Variants in MEGF11 observed in about 807,000 individuals in gnomAD.
The protein encoded by MEGF11 is multiple epidermal growth factor-like domains protein 11.
Under a neutral mutation model 146.6 loss-of-function variants are expected in MEGF11, and 126 were observed. The ratio of observed to expected loss-of-function variants is 0.86; its 90% CI spans 0.74 to 1.00. The LOEUF (loss-of-function observed/expected upper bound fraction) is 1.00. Among genes scored for constraint, MEGF11 ranks in the 50% least tolerant of loss-of-function variants. The pLI is 0.00. For synonymous variants in MEGF11, 532 were observed against 583.4 expected, an observed-to-expected ratio of 0.91 and a Z score of 1.27; for missense variants, 1,509 against 1,521.2, an observed-to-expected ratio of 0.99 and a Z score of 0.13.
rs529811663 is a variant in MEGF11 at position 65,924,766 on chromosome 15, C to T, written c.1676-1797G>A. Among the ~76,000 whole-genome samples the T allele has an allele frequency of 5.9e-5, 9 of 151,788 alleles. No homozygotes were observed. In the South Asian group the frequency reaches 1.7e-3, roughly 28 times the overall value. On this transcript the variant is annotated intron_variant, in intron 13 of 25. Transcript: ENST00000395614. ...TCAGCCTTCCGAGTAGCTGGGATTA[C>T]AGGTATAAGCCACCACCACAGCTGG...
At chr15:65,947,043 T>C (rs535231319) in intron 10 of MEGF11, among the ~76,000 whole-genome samples, 1 of 152,292 alleles carries the variant, frequency 6.6e-6, no homozygotes, top group South Asian at 2.1e-4. Context: ...TTAAATAGAT[T>C]TTTTGTTATG....
At chr15:65,924,624 CTTTTTTT>C (rs573572484) in intron 13 of MEGF11, among the ~76,000 whole-genome samples, 1 of 111,616 alleles carries the variant, frequency 9.0e-6, no homozygotes, top group Non-Finnish European at 1.8e-5. Flanking sequence ...TGCCATAAGG[CTTTTTTT>C]TTTTTTTTTT....
intron 13 of MEGF11, among the ~76,000 whole-genome samples, chr15:65,928,041 T>C (rs2079436084): frequency 6.6e-6 from 1 of 152,010 alleles, no homozygotes; most frequent in Non-Finnish European, 1.5e-5. Context: ...TGGAGAGAAG[T>C]AGATGGATTC....
At chr15:66,123,234 A>G (rs1220337353) in intron 3 of MEGF11, among the ~76,000 whole-genome samples, 1 of 152,224 alleles carries the variant, frequency 6.6e-6, no homozygotes, top group African/African-American at 2.4e-5. Flanking sequence ...AGACAAGGGT[A>G]CAAGACTGCC....
rs144285567 is a variant in MEGF11 at position 66,011,636 on chromosome 15, G to A, written c.395-29148C>T. 4.8e-3 allele frequency among the ~76,000 whole-genome samples: 724 copies of A among 152,052 alleles called. 9 individuals carry two copies. Among genetic ancestry groups the A allele is most frequent in the African/African-American group, 0.016 (677 of 41,464 alleles). On this transcript the variant is annotated intron_variant, in intron 5 of 25. Transcript: ENST00000395614. ...AGTGGATCCTAATAGCACCTGCTTC[G>A]GAGGGTTGTCATGAGGATCAGAAAA...
intron 5 of MEGF11, among the ~76,000 whole-genome samples, chr15:66,035,914 T>C (rs2083708721): frequency 6.6e-6 from 1 of 152,264 alleles, no homozygotes; most frequent in Non-Finnish European, 1.5e-5. Flanking sequence ...AATCTGTGGC[T>C]GATGGCTTGT....
intron 5 of MEGF11, among the ~76,000 whole-genome samples, chr15:66,047,525 C>T (rs1283556396): frequency 2.0e-5 from 3 of 152,172 alleles, no homozygotes; most frequent in African/African-American, 7.2e-5. Flanking sequence ...CACGAACTCC[C>T]CAGTCTTTAT....
chr15:66,049,546 G>A (rs1267514157), intron 5 of MEGF11, among the ~76,000 whole-genome samples: 3 of 152,160 alleles, frequency 2.0e-5, no homozygotes, highest in Admixed American at 6.5e-5. Flanking sequence ...CTGTGGAAGC[G>A]TTTTCCCCAC....
At position 66,055,146 on chromosome 15, in the gene MEGF11, C is replaced by G. The variant is rs141994921; in HGVS notation, c.394+39256G>C. On this transcript the variant is annotated intron_variant, in intron 5 of 25. Coordinates refer to ENST00000395614, the MANE Select transcript of MEGF11 (RefSeq NM_001385028.1). ...CCACAATTCCACCGGCAAGTGCTCA[C>G]TGCCCTTAGACAAGATTCGTGGTCA... 5.9e-5 allele frequency among the ~76,000 whole-genome samples: 9 copies of G among 152,348 alleles called. No individual in the cohort carries two copies. The East Asian group carries it at 1.7e-3, about 29-fold the overall frequency.
At chr15:66,079,629 C>T (rs1201192445) in intron 5 of MEGF11, among the ~76,000 whole-genome samples, 2 of 151,220 alleles carry the variant, frequency 1.3e-5, no homozygotes, top group Non-Finnish European at 2.9e-5. Context: ...AGATATTCCT[C>T]ATAGACAAGG....
At chr15:65,956,862 A>G (rs1212944224) in intron 10 of MEGF11, among the ~76,000 whole-genome samples, 1 of 152,264 alleles carries the variant, frequency 6.6e-6, no homozygotes, top group East Asian at 1.9e-4. Flanking sequence ...AAATTAAGAA[A>G]ACCTTAGCAA....
chr15:65,963,179 C>G lies in MEGF11; in HGVS notation c.1112+1729G>C, dbSNP rs184153617. The stretch of plus-strand genomic sequence containing the variant: ...TCCTCCCTCAGCTTCCCAGCAGGAG[C>G]GACAGATTCTGGAATCTTAATATTT... On this transcript the variant is annotated intron_variant, in intron 9 of 25. Coordinates refer to ENST00000395614, the MANE Select transcript of MEGF11 (RefSeq NM_001385028.1). 1.3e-4 allele frequency among the ~76,000 whole-genome samples: 20 copies of G among 152,302 alleles called. 1 individual carries two copies. In the East Asian group the frequency reaches 3.7e-3, roughly 28 times the overall value.
At chr15:66,227,639 C>A (rs779451584) in intron 1 of MEGF11, among the ~76,000 whole-genome samples, 123 of 152,194 alleles carry the variant, frequency 8.1e-4, no homozygotes, top group Non-Finnish European at 1.6e-3. Context: ...TTCTCAGCAT[C>A]TCCTGCAGAG....
At chr15:65,926,510 G>A (rs2079377379) in intron 13 of MEGF11, among the ~76,000 whole-genome samples, 1 of 152,232 alleles carries the variant, frequency 6.6e-6, no homozygotes, top group South Asian at 2.1e-4. Context: ...GCACAGCTCA[G>A]GGCAGCCCCA....
chr15:65,980,720 G>A, intron 7 of MEGF11, 58 bp downstream of exon 7: 1 of 1,518,510 alleles, frequency 6.6e-7, no homozygotes, highest in East Asian at 2.3e-5. Context: ...TAAGGTATGT[G>A]TGAGTGATGA....
chr15:65,972,183 G>C (rs1596934724), intron 7 of MEGF11, among the ~76,000 whole-genome samples: 1 of 152,292 alleles, frequency 6.6e-6, no homozygotes, highest in East Asian at 1.9e-4. Context: ...CAGGTGGTCT[G>C]ACATCTAATT....
intron 1 of MEGF11, among the ~76,000 whole-genome samples, chr15:66,149,258 C>A (rs2089478086): frequency 6.6e-6 from 1 of 152,210 alleles, no homozygotes; most frequent in African/African-American, 2.4e-5. Flanking sequence ...GAGGAAAAGT[C>A]CTCTGTGGCA....
chr15:65,916,568 A>T (rs1203051871), intron 17 of MEGF11: 1 of 695,434 alleles, frequency 1.4e-6, no homozygotes, highest in Non-Finnish European at 2.4e-6. Flanking sequence ...CTGTCCAAGG[A>T]AGGTCTGGTC....
chr15:66,182,138 T>C (rs1311556109), intron 1 of MEGF11, among the ~76,000 whole-genome samples: 3 of 152,084 alleles, frequency 2.0e-5, no homozygotes, highest in African/African-American at 4.8e-5. Context: ...GCAGGTGGAA[T>C]AGGGAAGGAG....
Sources: gnomAD v4.1 joint callset for allele counts (sites outside exome capture counted in the v4.1 genomes callset) on GRCh38, gnomAD v4.1.1 for gene constraint, MANE v1.5 for transcripts, NCBI Gene and HGNC (gene_info 2026-07-23, HGNC 2026-07-21) for gene names.